The following CDKAL1 variants were observed in gnomAD, a reference collection of about 807,000 sequenced individuals.
The protein encoded by CDKAL1 is threonylcarbamoyladenosine tRNA methylthiotransferase.
A neutral mutation model predicts 68.2 loss-of-function variants in CDKAL1; 32 were observed. That is an observed-to-expected ratio of 0.47 (90% confidence interval 0.35 to 0.63). The LOEUF is 0.63. CDKAL1 is among the 30% of genes least tolerant of loss of function. The pLI is 0.00. For synonymous variants in CDKAL1, 234 were observed against 244.3 expected, an observed-to-expected ratio of 0.96 and a Z score of 0.39; for missense variants, 606 against 696.7, an observed-to-expected ratio of 0.87 and a Z score of 1.47.
chr6:21,059,892 T>G (rs1771051758), intron 11 of CDKAL1, among the ~76,000 whole-genome samples: 1 of 152,186 alleles, frequency 6.6e-6, no homozygotes, highest in Non-Finnish European at 1.5e-5. Context: ...GATGTGTGGT[T>G]TTTTTATCCC....
intron 5 of CDKAL1, among the ~76,000 whole-genome samples, chr6:20,671,947 G>C (rs1769837550): frequency 6.6e-6 from 1 of 152,112 alleles, no homozygotes; most frequent in Admixed American, 6.5e-5. Flanking sequence ...TTTACCACCA[G>C]TGTTTTGGGA....
intron 13 of CDKAL1, among the ~76,000 whole-genome samples, chr6:21,131,372 C>T (rs1313238116): frequency 6.6e-6 from 1 of 152,176 alleles, no homozygotes; most frequent in African/African-American, 2.4e-5. Flanking sequence ...GGGTGTTTGT[C>T]TCCATTACAT....
chr6:20,992,116 C>T (rs1261872946), intron 10 of CDKAL1, among the ~76,000 whole-genome samples: 1 of 143,282 alleles, frequency 7.0e-6, no homozygotes, highest in Non-Finnish European at 1.5e-5. Context: ...CAACCTCCAA[C>T]TCTTGGACTC....
At chr6:21,170,936 A>C (rs1777357237) in intron 13 of CDKAL1, among the ~76,000 whole-genome samples, 1 of 152,214 alleles carries the variant, frequency 6.6e-6, no homozygotes, top group African/African-American at 2.4e-5. Context: ...CTAAATGAAA[A>C]GTTGAAGTAA....
intron 13 of CDKAL1, chr6:21,135,873 T>TC (rs2151026662): frequency 6.3e-6 from 1 of 158,474 alleles, no homozygotes; most frequent in Admixed American, 6.5e-5. Flanking sequence ...CTGACAGCTT[T>TC]CCTCTCCCTC....
At chr6:20,985,763 A>C (rs1259495355) in intron 10 of CDKAL1, among the ~76,000 whole-genome samples, 1 of 151,858 alleles carries the variant, frequency 6.6e-6, no homozygotes, top group Non-Finnish European at 1.5e-5. Context: ...TGATCATGCC[A>C]CTGCATTCCA....
chr6:20,621,210 G>A (rs1287563551), intron 4 of CDKAL1, among the ~76,000 whole-genome samples: 1 of 152,132 alleles, frequency 6.6e-6, no homozygotes, highest in Admixed American at 6.6e-5. Context: ...GAATCCAGGT[G>A]TCCAGGTTAT....
chr6:20,754,519 C>T (rs1048131619), intron 6 of CDKAL1, among the ~76,000 whole-genome samples: 17 of 152,090 alleles, frequency 1.1e-4, no homozygotes, highest in African/African-American at 2.4e-4. Context: ...TCCTACGTTA[C>T]GGTTCTGATT....
intron 9 of CDKAL1, among the ~76,000 whole-genome samples, chr6:20,916,299 G>A (rs540607179): frequency 1.3e-4 from 20 of 152,180 alleles, no homozygotes; most frequent in African/African-American, 3.4e-4. Flanking sequence ...GATATCATTC[G>A]GGGAACCTGG....
At chr6:20,931,299 G>A (rs775012663) in intron 9 of CDKAL1, among the ~76,000 whole-genome samples, 23 of 152,126 alleles carry the variant, frequency 1.5e-4, no homozygotes, top group Non-Finnish European at 2.6e-4. Context: ...TTGGCCTCGT[G>A]CCAGACACCA....
Position 20,548,655 on chromosome 6 carries a change from A to T in CDKAL1, c.236A>T (p.Asp79Val), listed in dbSNP as rs143106927. Residue 79 changes from aspartate (D) to valine (V), a missense_variant, in exon 4 of 16, where the codon GAT (aspartate) becomes GTT (valine). Transcript: ENST00000274695. Reference sequence around the variant, plus strand: ...TGGGGTTGTTCTCATAATAATTCAGATGGAGAATATATGGCTGGACAGCTA... The same window carrying T: ...TGGGGTTGTTCTCATAATAATTCAGTTGGAGAATATATGGCTGGACAGCTA... ...RTWGCSHNNS[D>V]GEYMAGQLAA... 2 of 1,601,406 alleles carry T rather than the reference A, an allele frequency of 1.2e-6. No individual in the cohort carries two copies. The highest frequency in any genetic ancestry group is 1.7e-6 in the Non-Finnish European group (2 of 1,169,426).
At chr6:21,144,474 T>A (rs1348884959) in intron 13 of CDKAL1, among the ~76,000 whole-genome samples, 2 of 152,066 alleles carry the variant, frequency 1.3e-5, no homozygotes, top group African/African-American at 2.4e-5. Flanking sequence ...TTATACTGAA[T>A]CACCTGTTGG....
At chr6:21,108,327 A>G in intron 12 of CDKAL1, 74 bp from the exon 13 acceptor site, 1 of 888,038 alleles carries the variant, frequency 1.1e-6, no homozygotes, top group African/African-American at 1.7e-5. Context: ...ATATACACAC[A>G]TGTATATTTT....
At chr6:20,791,438 A>G (rs1384665047) in intron 8 of CDKAL1, among the ~76,000 whole-genome samples, 1 of 152,168 alleles carries the variant, frequency 6.6e-6, no homozygotes, top group Non-Finnish European at 1.5e-5. Context: ...AGTTTTTTTC[A>G]ATAAACCATA....
intron 10 of CDKAL1, among the ~76,000 whole-genome samples, chr6:20,999,680 A>AG (rs1444547214): frequency 2.7e-5 from 4 of 145,540 alleles, no homozygotes; most frequent in Admixed American, 6.7e-5. Context: ...AAAAAAAAAA[A>AG]AAAAAAAGAA....
chr6:20,932,010 A>T (rs1763484638), intron 9 of CDKAL1, among the ~76,000 whole-genome samples: 1 of 152,190 alleles, frequency 6.6e-6, no homozygotes. Context: ...CCTTTGTATC[A>T]TATGCTTATC....
At chr6:20,849,187 A>C (rs933456483) in intron 9 of CDKAL1, among the ~76,000 whole-genome samples, 1 of 152,232 alleles carries the variant, frequency 6.6e-6, no homozygotes, top group African/African-American at 2.4e-5. Context: ...TGAACGTAGT[A>C]TCTCACCTCT....
At chr6:20,858,067 C>T (rs567814167) in intron 9 of CDKAL1, among the ~76,000 whole-genome samples, 13 of 152,268 alleles carry the variant, frequency 8.5e-5, no homozygotes, top group African/African-American at 3.1e-4. Context: ...CCCTGTTGGC[C>T]AGGCTGGTCT....
chr6:20,878,384 C>T (rs1344067752), intron 9 of CDKAL1, among the ~76,000 whole-genome samples: 1 of 152,168 alleles, frequency 6.6e-6, no homozygotes, highest in African/African-American at 2.4e-5. Context: ...GCCTTTTTTC[C>T]TACATGCGGT....
Sources: allele counts gnomAD v4.1 joint callset (sites outside exome capture counted in the v4.1 genomes callset), GRCh38; gene constraint gnomAD v4.1.1; transcripts MANE v1.5; gene names NCBI Gene and HGNC (gene_info 2026-07-23, HGNC 2026-07-21).